Variants in IL19 observed in about 807,000 individuals in gnomAD.
IL19 encodes interleukin 19.
In IL19, 15 loss-of-function variants were observed where a neutral mutation model predicts 19.5. That is an observed-to-expected ratio of 0.77 (90% CI 0.52 to 1.19). The LOEUF (loss-of-function observed/expected upper bound fraction) is 1.19, where lower values mean the gene tolerates loss of function less well. IL19 is among the 50% of genes most tolerant of loss of function. The probability of loss-of-function intolerance (pLI) is 0.00; values close to 1 mark genes in which losing one functional copy is unlikely to be tolerated. For synonymous variants in IL19, 78 were observed against 78.3 expected (o/e 1.00, Z 0.02); for missense variants, 199 against 213.1 (o/e 0.93, Z 0.41).
intron 2 of IL19, among the ~76,000 whole-genome samples, chr1:206,832,213 C>T (rs998014094): frequency 1.3e-5 from 2 of 152,246 alleles, no homozygotes; most frequent in African/African-American, 2.4e-5. Context: ...GTGTCTTCTC[C>T]TTTTCCAGGT....
At chr1:206,812,402 A>G (rs1409214918) in intron 2 of IL19, among the ~76,000 whole-genome samples, 1 of 152,188 alleles carries the variant, frequency 6.6e-6, no homozygotes, top group African/African-American at 2.4e-5. Flanking sequence ...TGAGACTACC[A>G]TTTGGCCATT....
chr1:206,816,028 G>GAAAAC (rs145833692), intron 2 of IL19, among the ~76,000 whole-genome samples: 2,445 of 151,940 alleles, frequency 0.016, 53 homozygotes, highest in African/African-American at 0.055. Flanking sequence ...CTACTGTACT[G>GAAAAC]AAAACAAAAC....
At chr1:206,827,093 A>T (rs1335509555) in intron 2 of IL19, among the ~76,000 whole-genome samples, 2 of 152,204 alleles carry the variant, frequency 1.3e-5, no homozygotes, top group African/African-American at 4.8e-5. Context: ...GTTATGAAAG[A>T]ATTAAATCTT....
At position 206,839,887 on chromosome 1, in the gene IL19, C is replaced by A. The variant is rs780801302; in HGVS notation, c.248C>A (p.Ala83Glu). ...DVCCVTKNLL[A>E]FYVDRVFKDH... ...TGCTGCGTGACCAAGAACCTCCTGGCGTTCTACGTGGACAGGGTGTTCAAG... is the reference window on the plus strand; with the variant it reads ...TGCTGCGTGACCAAGAACCTCCTGGAGTTCTACGTGGACAGGGTGTTCAAG... The change falls in exon 5 of 7, where the codon GCG (alanine) becomes GAG (glutamate). Residue 83 changes from alanine (A) to glutamate (E), a missense_variant. Ala to Glu is a moderately radical substitution (Grantham distance 107, BLOSUM62 -1). Transcript: ENST00000659997. 1 of 1,613,960 alleles carries A rather than the reference C, an allele frequency of 6.2e-7. No individual in the cohort carries two copies. Among genetic ancestry groups the A allele is most frequent in the Admixed American group, 1.7e-5 (1 of 60,022 alleles).
intron 2 of IL19, among the ~76,000 whole-genome samples, chr1:206,822,030 C>T (rs1676302554): frequency 6.6e-6 from 1 of 152,220 alleles, no homozygotes; most frequent in African/African-American, 2.4e-5. Context: ...TGCCTGGAAT[C>T]TGGAGGAACT....
rs780330874 is a variant in IL19, at chr1:206,836,769, A to G, written c.107A>G (p.His36Arg). The G allele has an allele frequency of 6.2e-7, 1 of 1,614,026 alleles. No individual in the cohort carries two copies. Among genetic ancestry groups the G allele is most frequent in the Non-Finnish European group, 8.5e-7 (1 of 1,180,018 alleles). ...RRCLISTDMH[H>R]IEESFQEIKR... ...TGTCTGATTTCCACAGACATGCACC[A>G]TATAGAAGAGAGTTTCCAAGAAATC... The change falls in exon 3 of 7, where the codon CAT (histidine) becomes CGT (arginine). Residue 36 changes from histidine (H) to arginine (R), a missense_variant. His to Arg is a conservative substitution (Grantham distance 29). Transcript: ENST00000659997.
At chr1:206,824,715 T>A (rs1295792234) in intron 2 of IL19, among the ~76,000 whole-genome samples, 1 of 152,228 alleles carries the variant, frequency 6.6e-6, no homozygotes, top group African/African-American at 2.4e-5. Flanking sequence ...TTCATTTGTC[T>A]GAAGTTATAG....
At chr1:206,822,979 G>A (rs1676326308) in intron 2 of IL19, among the ~76,000 whole-genome samples, 1 of 151,986 alleles carries the variant, frequency 6.6e-6, no homozygotes, top group South Asian at 2.1e-4. Context: ...GCCTGGGCTG[G>A]AGTATAGTGG....
chr1:206,801,404 C>G (rs1294506628), intron 2 of IL19, among the ~76,000 whole-genome samples: 1 of 152,234 alleles, frequency 6.6e-6, no homozygotes, highest in East Asian at 1.9e-4. Context: ...CTTTCCCTGG[C>G]CAGACTCAAG....
At position 206,802,392 on chromosome 1, in the gene IL19, C is replaced by T. The variant is rs142465425; in HGVS notation, c.-3+3386C>T. Among the ~76,000 whole-genome samples the T allele has an allele frequency of 2.1e-3, 313 of 151,992 alleles. 1 individual carries two copies. The highest frequency in any genetic ancestry group is 7.2e-3 in the African/African-American group (297 of 41,440). ...GGTTTTTTTTTCTGCCTTCCATGTA[C>T]CAAAACCTGGGCTAAGCATTTTTAT... On this transcript the variant is annotated intron_variant, in intron 2 of 6. Coordinates refer to ENST00000659997, the MANE Select transcript of IL19 (RefSeq NM_153758.5).
chr1:206,774,242 C>T (rs1168167117), intron 1 of IL19, among the ~76,000 whole-genome samples: 1 of 152,200 alleles, frequency 6.6e-6, no homozygotes, highest in African/African-American at 2.4e-5. Flanking sequence ...CTTCCCAACT[C>T]TTCAGGGAGT....
chr1:206,809,637 G>GT (rs1675948767), intron 2 of IL19, among the ~76,000 whole-genome samples: 1 of 152,210 alleles, frequency 6.6e-6, no homozygotes, highest in Non-Finnish European at 1.5e-5. Flanking sequence ...TTGATCTACT[G>GT]TAAGTAGCAT....
In IL19 at chr1:206,799,003, C is replaced by T. The variant is rs141906021; in HGVS notation, c.-6C>T. 1.3e-4 allele frequency: 215 copies of T among 1,606,034 alleles called. No homozygotes were observed. Among genetic ancestry groups the T allele is most frequent in the African/African-American group, 8.0e-4 (60 of 74,818 alleles). ...GCCAGTGCTTTGGGGCTCTGTTCCA[C>T]GGGGTAAGTAATTTCTGCTATAGGG... On this transcript the variant is annotated 5_prime_UTR_variant, in exon 2 of 7. In the 5' UTR this introduces an upstream ATG that the reference lacks. Transcript: ENST00000659997.
chr1:206,820,126 T>C (rs771545809), intron 2 of IL19, among the ~76,000 whole-genome samples: 7 of 152,198 alleles, frequency 4.6e-5, no homozygotes, highest in Admixed American at 2.0e-4. Flanking sequence ...AGGATCCTCA[T>C]CCTGTCATTC....
At chr1:206,825,763 G>A (rs1336863572) in intron 2 of IL19, among the ~76,000 whole-genome samples, 1 of 152,230 alleles carries the variant, frequency 6.6e-6, no homozygotes, top group Non-Finnish European at 1.5e-5. Context: ...ACCCCGTGCA[G>A]GTGGATGTGC....
chr1:206,785,898 A>T (rs1467438117), intron 1 of IL19, among the ~76,000 whole-genome samples: 2 of 152,210 alleles, frequency 1.3e-5, no homozygotes, highest in Non-Finnish European at 2.9e-5. Flanking sequence ...AAAGTGACTT[A>T]CAGACATCTG....
At chr1:206,815,927 T>G (rs976090375) in intron 2 of IL19, among the ~76,000 whole-genome samples, 1 of 152,192 alleles carries the variant, frequency 6.6e-6, no homozygotes, top group Non-Finnish European at 1.5e-5. Flanking sequence ...CCTTCGACAT[T>G]TTTTCATTAC....
At chr1:206,794,838 G>A (rs1204383538) in intron 1 of IL19, among the ~76,000 whole-genome samples, 1 of 152,176 alleles carries the variant, frequency 6.6e-6, no homozygotes, top group Non-Finnish European at 1.5e-5. Flanking sequence ...ATCCTGCTAT[G>A]CTCCCCACTT....
At chr1:206,797,541 A>G (rs1189890012) in intron 1 of IL19, among the ~76,000 whole-genome samples, 3 of 152,154 alleles carry the variant, frequency 2.0e-5, no homozygotes, top group Admixed American at 6.5e-5. Context: ...GGGAATTTGT[A>G]TATTGGGAAT....
Sources: allele counts gnomAD v4.1 joint callset (sites outside exome capture counted in the v4.1 genomes callset), GRCh38; gene constraint gnomAD v4.1.1; transcripts MANE v1.5; gene names NCBI Gene and HGNC (gene_info 2026-07-23, HGNC 2026-07-21).